PRKG1: variants seen among roughly 807,000 people sequenced by gnomAD.
PRKG1 encodes the protein protein kinase cGMP-dependent 1, also known as cGMP-dependent protein kinase 1.
In PRKG1, 35 loss-of-function variants were observed where a neutral mutation model predicts 88.1. That is an observed-to-expected ratio of 0.40 (90% confidence interval 0.30 to 0.53). The LOEUF is 0.53. Among genes scored for constraint, PRKG1 ranks in the 20% least tolerant of loss-of-function variants. The pLI is 0.59. For missense variants in PRKG1, 540 were observed against 839.8 expected, an observed-to-expected ratio of 0.64 and a Z score of 4.41; for synonymous variants, 303 against 292.5, an observed-to-expected ratio of 1.04 and a Z score of -0.37.
At position 51,647,987 on chromosome 10, in the gene PRKG1, T is replaced by G. The variant is rs190058457; in HGVS notation, c.593-156598T>G. On this transcript the variant is annotated intron_variant, in intron 3 of 17. Transcript: ENST00000373980. ...AAATTATCTTTCTCTGTAATAAAAATCATTTTTCCTTTTAGGTTATAATTT... is the reference window on the plus strand; with the variant it reads ...AAATTATCTTTCTCTGTAATAAAAAGCATTTTTCCTTTTAGGTTATAATTT... Among the ~76,000 whole-genome samples, 226 of 152,150 alleles carry G rather than the reference T, an allele frequency of 1.5e-3. 2 individuals carry two copies. The highest frequency in any genetic ancestry group is 4.6e-4 in the Non-Finnish European group (31 of 67,976).
intron 7 of PRKG1, among the ~76,000 whole-genome samples, chr10:52,103,302 T>C (rs1847339174): frequency 6.6e-6 from 1 of 152,104 alleles, no homozygotes; most frequent in South Asian, 2.1e-4. Flanking sequence ...AATTACAATG[T>C]ATTTCCATAA....
chr10:51,336,558 C>T (rs1841881877), intron 2 of PRKG1, among the ~76,000 whole-genome samples: 1 of 152,148 alleles, frequency 6.6e-6, no homozygotes, highest in Non-Finnish European at 1.5e-5. Flanking sequence ...AGCCCTCAAC[C>T]TCAAAATCCT....
chr10:51,724,336 A>G lies in PRKG1; in HGVS notation c.593-80249A>G, dbSNP rs757661581. Among the ~76,000 whole-genome samples the G allele has an allele frequency of 7.4e-4, 112 of 152,284 alleles. 1 individual carries two copies. The highest frequency in any genetic ancestry group is 1.2e-3 in the Non-Finnish European group (79 of 68,014). On this transcript the variant is annotated intron_variant, in intron 3 of 17. Coordinates refer to ENST00000373980, the MANE Select transcript of PRKG1 (RefSeq NM_006258.4). ...TTATAATGTACATAGATGGTGAACT[A>G]TTCTTGGTTAGGGATTTGACTTTGG...
chr10:51,571,243 CATTATT>C (rs1463130748), intron 3 of PRKG1, among the ~76,000 whole-genome samples: 1 of 151,858 alleles, frequency 6.6e-6, no homozygotes, highest in African/African-American at 2.4e-5. Context: ...TTATCAAAAT[CATTATT>C]ATAATTCTCA....
chr10:51,919,481 C>T (rs979598603), intron 5 of PRKG1, among the ~76,000 whole-genome samples: 6 of 151,974 alleles, frequency 3.9e-5, no homozygotes, highest in Non-Finnish European at 8.8e-5. Flanking sequence ...TTTTAATAAA[C>T]GTAACATGAT....
At chr10:51,704,352 A>G (rs192631691) in intron 3 of PRKG1, among the ~76,000 whole-genome samples, 4 of 152,222 alleles carry the variant, frequency 2.6e-5, no homozygotes, top group Admixed American at 2.0e-4. Context: ...TATTTGTTGA[A>G]TGAATGACAG....
intron 2 of PRKG1, among the ~76,000 whole-genome samples, chr10:51,257,861 C>A (rs567933947): frequency 6.6e-6 from 1 of 152,078 alleles, no homozygotes. Context: ...TAAACAAAAC[C>A]TAAGGGGATA....
intron 4 of PRKG1, among the ~76,000 whole-genome samples, chr10:51,838,790 G>A (rs1840193944): frequency 6.6e-6 from 1 of 152,064 alleles, no homozygotes; most frequent in South Asian, 2.1e-4. Flanking sequence ...TACCCCTAGG[G>A]CTATTGTTAG....
At position 51,550,246 on chromosome 10, in the gene PRKG1, A is replaced by G. The variant is rs532538619; in HGVS notation, c.592+82410A>G. Reference sequence around the variant, plus strand: ...ATTTCAACATTCCTGTCATGCCCCAATTGTAGTTAGAAAGACATTTTCATG... The same window carrying G: ...ATTTCAACATTCCTGTCATGCCCCAGTTGTAGTTAGAAAGACATTTTCATG... On this transcript the variant is annotated intron_variant, in intron 3 of 17. Coordinates refer to ENST00000373980, the MANE Select transcript of PRKG1 (RefSeq NM_006258.4). 7.8e-4 allele frequency among the ~76,000 whole-genome samples: 119 copies of G among 152,182 alleles called. 4 individuals carry two copies. The highest frequency in any genetic ancestry group is 7.0e-3 in the Admixed American group (107 of 15,270).
chr10:51,662,084 G>A (rs1477463545), intron 3 of PRKG1, among the ~76,000 whole-genome samples: 1 of 152,044 alleles, frequency 6.6e-6, no homozygotes, highest in East Asian at 1.9e-4. Context: ...TCATAGGGTG[G>A]GGGAATAGGG....
intron 2 of PRKG1, among the ~76,000 whole-genome samples, chr10:51,464,967 C>T: frequency 6.7e-6 from 1 of 150,014 alleles, no homozygotes; most frequent in Non-Finnish European, 1.5e-5. Flanking sequence ...AAATTTTAAA[C>T]TTTGGAGACT....
chr10:51,873,528 C>CTT lies in PRKG1; in HGVS notation c.699-33963_699-33962dup, dbSNP rs10713819. On this transcript the variant is annotated intron_variant, in intron 4 of 17. Transcript: ENST00000373980. Reference sequence around the variant, plus strand: ...TTTCTAAATTAATAAAATAAATAATCTTTTTTTTTTTTTTTTTGAGACGGA... The same window carrying CTT: ...TTTCTAAATTAATAAAATAAATAATCTTTTTTTTTTTTTTTTTTTGAGACGGA... Among the ~76,000 whole-genome samples, 187 of 131,590 alleles carry CTT rather than the reference C, an allele frequency of 1.4e-3. 2 individuals carry two copies. The highest frequency in any genetic ancestry group is 4.4e-3 in the African/African-American group (152 of 34,548). 86.3% of individuals were successfully genotyped at this position (131,590 alleles called of 152,430 possible).
intron 3 of PRKG1, among the ~76,000 whole-genome samples, chr10:51,511,686 C>G (rs2132061127): frequency 6.6e-6 from 1 of 152,318 alleles, no homozygotes; most frequent in Non-Finnish European, 1.5e-5. Context: ...GCTCTACCAA[C>G]TGCTGGTGAG....
chr10:51,151,392 T>C (rs370202808), intron 1 of PRKG1, among the ~76,000 whole-genome samples: 1 of 152,110 alleles, frequency 6.6e-6, no homozygotes, highest in East Asian at 1.9e-4. Flanking sequence ...GAAAGTAACA[T>C]TTTATTCCTC....
chr10:51,080,228 A>G (rs1014108542), intron 1 of PRKG1, among the ~76,000 whole-genome samples: 9 of 152,126 alleles, frequency 5.9e-5, no homozygotes, highest in Non-Finnish European at 1.3e-4. Flanking sequence ...TGCCCCCAAA[A>G]TGGGTCTTAT....
intron 1 of PRKG1, among the ~76,000 whole-genome samples, chr10:51,034,668 T>TTATATATATATATATA (rs1554831108): frequency 1.5e-4 from 10 of 68,184 alleles, no homozygotes; most frequent in Admixed American, 2.1e-4. Context: ...AATATGTTAT[T>TTATATATATATATATA]TATATATATA....
chr10:51,741,079 A>T (rs1290731051), intron 3 of PRKG1, among the ~76,000 whole-genome samples: 1 of 152,050 alleles, frequency 6.6e-6, no homozygotes, highest in Non-Finnish European at 1.5e-5. Context: ...AGGTGATTTC[A>T]TTCTATTATT....
intron 7 of PRKG1, among the ~76,000 whole-genome samples, chr10:52,119,989 G>A (rs1204242303): frequency 6.8e-6 from 1 of 146,194 alleles, no homozygotes; most frequent in Non-Finnish European, 1.5e-5. Context: ...GGGAAAGTGA[G>A]ACAGAGAGAG....
At chr10:51,031,037 G>T (rs992209419) in intron 1 of PRKG1, among the ~76,000 whole-genome samples, 4 of 152,156 alleles carry the variant, frequency 2.6e-5, no homozygotes, top group African/African-American at 9.7e-5. Flanking sequence ...AAGGACTCAA[G>T]AGGTCACCTA....
Sources: allele counts gnomAD v4.1 joint callset (sites outside exome capture counted in the v4.1 genomes callset), GRCh38; gene constraint gnomAD v4.1.1; transcripts MANE v1.5; gene names NCBI Gene and HGNC (gene_info 2026-07-23, HGNC 2026-07-21).